AZIN2: variants seen among roughly 807,000 people sequenced by gnomAD.
AZIN2 encodes the protein ODC antizyme inhibitor-2.
AZIN2 carries 28 observed loss-of-function variants against 47.8 expected under a neutral mutation model. The ratio of observed to expected loss-of-function variants is 0.59; its 90% CI spans 0.43 to 0.80. The LOEUF (loss-of-function observed/expected upper bound fraction) is 0.80. Ranked by LOEUF, AZIN2 falls within the 30% of genes least tolerant of loss-of-function variation. The pLI, the probability that AZIN2 is intolerant of heterozygous loss-of-function variation, is 0.00. For synonymous variants in AZIN2, 221 were observed against 239.4 expected, an observed-to-expected ratio of 0.92 and a Z score of 0.71; for missense variants, 535 against 582.5, an observed-to-expected ratio of 0.92 and a Z score of 0.84.
the AZIN2 span, among the ~76,000 whole-genome samples, chr1:33,148,306 A>C: frequency 6.6e-6 from 1 of 152,220 alleles, no homozygotes; most frequent in Non-Finnish European, 1.5e-5. Flanking sequence ...ATAAGAAACT[A>C]TAACCTAACT....
chr1:33,145,923 C>T, the AZIN2 span: 4 of 471,056 alleles, frequency 8.5e-6, no homozygotes, highest in South Asian at 6.2e-5. Context: ...TAAGTTCCCC[C>T]AAACAGAATC....
At chr1:33,150,013 A>G in the AZIN2 span, among the ~76,000 whole-genome samples, 41 of 152,288 alleles carry the variant, frequency 2.7e-4, 1 homozygote, top group African/African-American at 9.9e-4. Flanking sequence ...GGCTGGCCAC[A>G]CCGGCTTAGC....
At chr1:33,108,254 TA>T (rs1644114262) in intron 10 of AZIN2, among the ~76,000 whole-genome samples, 1 of 151,988 alleles carries the variant, frequency 6.6e-6, no homozygotes, top group South Asian at 2.1e-4. Flanking sequence ...TAAATGGTGT[TA>T]GGAAAACTAG....
At chr1:33,136,201 C>G in the AZIN2 span, among the ~76,000 whole-genome samples, 1 of 144,246 alleles carries the variant, frequency 6.9e-6, no homozygotes, top group Non-Finnish European at 1.5e-5. Context: ...CCTCCATTCT[C>G]CCTTTCTCCC....
At chr1:33,118,809 C>T (rs2124672770) in intron 11 of AZIN2, 1 of 152,406 alleles carries the variant, frequency 6.6e-6, no homozygotes, top group Non-Finnish European at 1.5e-5. Flanking sequence ...CAGGCTAGTG[C>T]TGGGATCCAG....
At chr1:33,135,013 G>A in the AZIN2 span, among the ~76,000 whole-genome samples, 19 of 152,144 alleles carry the variant, frequency 1.2e-4, no homozygotes, top group Admixed American at 5.9e-4. Flanking sequence ...GGATCTGGGC[G>A]CCGTGGCTCA....
chr1:33,112,452 T>C (rs779619333), intron 10 of AZIN2, among the ~76,000 whole-genome samples: 3 of 152,190 alleles, frequency 2.0e-5, no homozygotes, highest in Non-Finnish European at 4.4e-5. Context: ...GATTACATAC[T>C]CTATAATTTA....
the AZIN2 span, chr1:33,142,243 C>G: frequency 5.3e-5 from 8 of 152,324 alleles, no homozygotes; most frequent in African/African-American, 1.9e-4. Context: ...GGGGAGGAGA[C>G]AGAGTGCTGC....
intron 10 of AZIN2, among the ~76,000 whole-genome samples, chr1:33,100,177 C>T (rs1042337552): frequency 5.9e-5 from 9 of 151,926 alleles, no homozygotes; most frequent in African/African-American, 9.7e-5. Context: ...AAAAATTAGC[C>T]GGGCATGATG....
the AZIN2 span, chr1:33,159,999 T>C: frequency 6.4e-7 from 1 of 1,574,514 alleles, no homozygotes. The surrounding 1 kb of genome is among the most constrained non-coding windows in gnomAD (Gnocchi z 4.2). Context: ...GGGTGATCTC[T>C]GGGTGAGAGG....
intron 6 of AZIN2, among the ~76,000 whole-genome samples, chr1:33,092,599 C>G (rs1476000768): frequency 6.6e-6 from 1 of 152,154 alleles, no homozygotes; most frequent in Non-Finnish European, 1.5e-5. Flanking sequence ...GCATTTGAAG[C>G]AGGCCTTGAG....
intron 10 of AZIN2, among the ~76,000 whole-genome samples, chr1:33,114,661 T>TC (rs1644451744): frequency 6.9e-6 from 1 of 145,502 alleles, no homozygotes; most frequent in Non-Finnish European, 1.5e-5. Context: ...CCTTTTTTTT[T>TC]TTTTTTTTTT....
chr1:33,099,800 A>C (rs777367940), intron 10 of AZIN2, among the ~76,000 whole-genome samples: 27 of 152,272 alleles, frequency 1.8e-4, no homozygotes, highest in Non-Finnish European at 2.8e-4. Context: ...GCGCCTCCAG[A>C]GTGGGGCCCA....
At chr1:33,135,675 G>A in the AZIN2 span, among the ~76,000 whole-genome samples, 1 of 152,268 alleles carries the variant, frequency 6.6e-6, no homozygotes, top group East Asian at 1.9e-4. Flanking sequence ...CACTTACTCA[G>A]CATGCAGGTC....
In AZIN2 at chr1:33,118,130, G is replaced by C. The variant is rs754543952; in HGVS notation, c.1244+14G>C. The C allele has an allele frequency of 8.6e-6, 13 of 1,506,244 alleles. No individual in the cohort carries two copies. In the East Asian group the frequency reaches 2.8e-4, roughly 33 times the overall value. The allele number at this position is 1,506,244 out of a possible 1,614,324, so 93.3% of individuals were successfully genotyped here. A position where few individuals can be genotyped will look rare whatever the true frequency, so the allele number is the denominator to read the frequency against. On this transcript the variant is annotated intron_variant, in intron 11 of 11. Transcript: ENST00000294517. ...CCGGGTGGCCTGGTAAGAGGGCCCT[G>C]CTGGAAAATGGGGGTATGGGGAGGA...
intron 10 of AZIN2, among the ~76,000 whole-genome samples, chr1:33,098,731 A>G (rs1372632280): frequency 6.6e-6 from 1 of 151,870 alleles, no homozygotes; most frequent in African/African-American, 2.4e-5. Context: ...ACATCATTTT[A>G]TCTTCCCCTC....
the AZIN2 span, among the ~76,000 whole-genome samples, chr1:33,148,585 G>A: frequency 5.3e-5 from 8 of 152,104 alleles, no homozygotes; most frequent in African/African-American, 1.9e-4. Flanking sequence ...GTGATTGTGG[G>A]TGAGCATCTA....
chr1:33,126,446 G>A (rs570043074), downstream of AZIN2, among the ~76,000 whole-genome samples: 4 of 152,264 alleles, frequency 2.6e-5, no homozygotes, highest in African/African-American at 7.2e-5. Flanking sequence ...CTACTTTCTA[G>A]TGTGATCTGG....
downstream of AZIN2, among the ~76,000 whole-genome samples, chr1:33,126,290 G>T (rs1207970248): frequency 6.6e-6 from 1 of 152,036 alleles, no homozygotes; most frequent in Non-Finnish European, 1.5e-5. Context: ...CCTTCATTAG[G>T]GGTTCCATCT....
Sources: allele counts gnomAD v4.1 joint callset (sites outside exome capture counted in the v4.1 genomes callset), GRCh38; gene constraint gnomAD v4.1.1; non-coding constraint Gnocchi (gnomAD v3.1); transcripts MANE v1.5; gene names NCBI Gene and HGNC (gene_info 2026-07-23, HGNC 2026-07-21).